Variants in SLC26A11 observed in about 807,000 individuals in gnomAD.
SLC26A11 encodes solute carrier family 26 member 11, also known as sodium-independent sulfate anion transporter.
Under a neutral mutation model 62.2 loss-of-function variants are expected in SLC26A11, and 58 were observed. The ratio of observed to expected loss-of-function variants is 0.93; its 90% CI spans 0.76 to 1.16. The LOEUF (loss-of-function observed/expected upper bound fraction) is 1.16. SLC26A11 is among the 50% of genes most tolerant of loss of function. The pLI is 0.00. For missense variants in SLC26A11, 790 were observed against 794.3 expected, an observed-to-expected ratio of 0.99 and a Z score of 0.06; for synonymous variants, 411 against 368.9, an observed-to-expected ratio of 1.11 and a Z score of -1.31.
At chr17:80,227,668 A>T in intron 6 of SLC26A11, 150 bp from the exon 7 acceptor site, 1 of 1,012,266 alleles carries the variant, frequency 9.9e-7, no homozygotes, top group Non-Finnish European at 1.4e-6. Context: ...TTTCCTTGTG[A>T]TACTCACTGT....
At position 80,224,320 on chromosome 17, in the gene SLC26A11, A is replaced by C. The variant is rs899049237; in HGVS notation, c.513+983A>C. On this transcript the variant is annotated intron_variant, in intron 5 of 17. Transcript: ENST00000361193. Reference sequence around the variant, plus strand: ...GTGCGTGTGTGTGTGAGAGAGTGTGAGTGTGTATGAGTGAGAGTGTGAGAG... The same window carrying C: ...GTGCGTGTGTGTGTGAGAGAGTGTGCGTGTGTATGAGTGAGAGTGTGAGAG... Among the ~76,000 whole-genome samples the C allele has an allele frequency of 4.7e-5, 6 of 126,362 alleles. No individual in the cohort carries two copies. In the South Asian group the frequency reaches 7.5e-4, roughly 16 times the overall value. 82.9% of individuals were successfully genotyped at this position (126,362 alleles called of 152,430 possible). A position where few individuals can be genotyped will look rare whatever the true frequency, so the allele number is the denominator to read the frequency against.
intron 7 of SLC26A11, 22 bp downstream of exon 7, chr17:80,227,982 T>A: frequency 1.3e-6 from 2 of 1,595,624 alleles, no homozygotes; most frequent in Non-Finnish European, 1.7e-6. Context: ...CTGGCTGACA[T>A]CTTATGCAAC....
rs528935829 is a variant in SLC26A11, at chr17:80,222,050, G to A, written c.234+256G>A. 2.8e-4 allele frequency: 131 copies of A among 461,176 alleles called. No individual in the cohort carries two copies. The highest frequency in any genetic ancestry group is 2.3e-3 in the African/African-American group (113 of 49,678). The allele number at this position is 461,176 out of a possible 1,614,324, so 28.6% of individuals were successfully genotyped here. A position where few individuals can be genotyped will look rare whatever the true frequency, so the allele number is the denominator to read the frequency against. ...GGCCTCAGGAGTTCAAGACCAGCCCGACCAAAATGGTGAAACCCCGTCTCC... is the reference window on the plus strand; with the variant it reads ...GGCCTCAGGAGTTCAAGACCAGCCCAACCAAAATGGTGAAACCCCGTCTCC... On this transcript the variant is annotated intron_variant, in intron 3 of 17. Transcript: ENST00000361193. This position sits in a 1 kb window ranked among gnomAD's most constrained non-coding sequence, Gnocchi z 4.7.
At chr17:80,224,235 G>A (rs2042310917) in intron 5 of SLC26A11, among the ~76,000 whole-genome samples, 1 of 151,802 alleles carries the variant, frequency 6.6e-6, no homozygotes, top group African/African-American at 2.4e-5. Flanking sequence ...GAGAGTGTGA[G>A]TGGGTTTGAG....
intron 7 of SLC26A11, among the ~76,000 whole-genome samples, chr17:80,231,443 C>T (rs182812622): frequency 6.6e-5 from 10 of 152,124 alleles, no homozygotes; most frequent in African/African-American, 1.2e-4. Context: ...GGATTACAGG[C>T]GTGAGCCACT....
chr17:80,224,450 A>C (rs759453258), intron 5 of SLC26A11, among the ~76,000 whole-genome samples: 18,274 of 122,110 alleles, frequency 0.15, 1,368 homozygotes, highest in African/African-American at 0.28. Flanking sequence ...TGAGAGTGTG[A>C]GTGTGAGAGT....
Position 80,248,685 on chromosome 17 carries a change from G to A in SLC26A11, c.1522+11G>A, listed in dbSNP as rs764358788. On this transcript the variant is annotated intron_variant, in intron 15 of 17. Coordinates refer to ENST00000361193, the MANE Select transcript of SLC26A11 (RefSeq NM_001166347.2). ...GCCGGGCCCTGGAAGGTGCATGGGC[G>A]GGGGTCAAGGTGGTCTGAGGTCACT... 10 of 1,558,628 alleles carry A rather than the reference G, an allele frequency of 6.4e-6. No individual in the cohort carries two copies. The highest frequency in any genetic ancestry group is 1.9e-5 in the Admixed American group (1 of 52,128).
chr17:80,226,332 C>T (rs528862349), intron 6 of SLC26A11, among the ~76,000 whole-genome samples: 1 of 152,226 alleles, frequency 6.6e-6, no homozygotes, highest in East Asian at 1.9e-4. Flanking sequence ...AGACAGAACG[C>T]AGGTGGTGCA....
At position 80,241,791 on chromosome 17, in the gene SLC26A11, A is replaced by G. The variant is rs1349009609; in HGVS notation, c.1006A>G (p.Ile336Val). The change falls in exon 10 of 18, where the codon ATC becomes GTC. Residue 336 changes from isoleucine (I) to valine (V), a missense_variant. Physicochemically the swap from Ile to Val is conservative, Grantham distance 29 (BLOSUM62 3). Coordinates refer to ENST00000361193, the MANE Select transcript of SLC26A11 (RefSeq NM_001166347.2). ...TTTAGCATCTCAGAATAATTACCGC[A>G]TCGATGCCAACCAGGAGCTGCTGGC... ...KAFASQNNYR[I>V]DANQELLAIG... 1.2e-6 allele frequency: 2 copies of G among 1,614,186 alleles called. No individual in the cohort carries two copies. Among genetic ancestry groups the G allele is most frequent in the South Asian group, 2.2e-5 (2 of 91,086 alleles).
intron 8 of SLC26A11, 36 bp downstream of exon 8, chr17:80,237,139 G>C: frequency 6.3e-7 from 1 of 1,594,568 alleles, no homozygotes; most frequent in Non-Finnish European, 8.6e-7. Flanking sequence ...GCGTGGCTGA[G>C]GCTGCGGTGG....
At chr17:80,225,992 T>G in intron 6 of SLC26A11, 76 bp downstream of exon 6, 5 of 1,366,270 alleles carry the variant, frequency 3.7e-6, no homozygotes, top group Middle Eastern at 1.8e-4. Context: ...CCCACCTCAG[T>G]TTCCCCACCC....
chr17:80,245,128 C>T (rs1450466559), intron 10 of SLC26A11, 68 bp from the exon 11 acceptor site: 1 of 1,479,926 alleles, frequency 6.8e-7, no homozygotes, highest in African/African-American at 1.4e-5. Context: ...TTGTCCCCCT[C>T]CCCATCTCCT....
At position 80,248,350 on chromosome 17, in the gene SLC26A11, G is replaced by T. The variant is rs773645518; in HGVS notation, c.1422+93G>T. ...TTGAGGGTCCGGGGTGATTGTGGTC[G>T]TGGGTGCTGCTGAAGGGGACCGCTC... On this transcript the variant is annotated intron_variant, in intron 14 of 17. Coordinates refer to ENST00000361193, the MANE Select transcript of SLC26A11 (RefSeq NM_001166347.2). 3.1e-5 allele frequency: 46 copies of T among 1,482,586 alleles called. No homozygotes were observed. In the South Asian group the frequency reaches 5.3e-4, roughly 17 times the overall value. The allele number at this position is 1,482,586 out of a possible 1,614,324, so 91.8% of individuals were successfully genotyped here. A position where few individuals can be genotyped will look rare whatever the true frequency, so the allele number is the denominator to read the frequency against.
chr17:80,224,296 T>G (rs28621597), intron 5 of SLC26A11, among the ~76,000 whole-genome samples: 1 of 122,302 alleles, frequency 8.2e-6, no homozygotes, highest in Non-Finnish European at 1.7e-5. Flanking sequence ...TGAGTGAGTG[T>G]GCGTGTGTGT....
Position 80,246,068 on chromosome 17 carries a change from C to T in SLC26A11, c.1098-86C>T, listed in dbSNP as rs1598837926. On this transcript the variant is annotated intron_variant, in intron 11 of 17. Transcript: ENST00000361193. The surrounding 1 kb of genome is among the most constrained non-coding windows in gnomAD (Gnocchi z 4.4). ...CAAGCCGTGCTGGGAGCTGACGTCC[C>T]CTCGGAAGATCAGCCACAGGAGTGT... 4.0e-6 allele frequency: 6 copies of T among 1,516,220 alleles called. No homozygotes were observed. The highest frequency in any genetic ancestry group is 2.3e-5 in the East Asian group (1 of 44,432). 93.9% of individuals were successfully genotyped at this position (1,516,220 alleles called of 1,614,324 possible). A position where few individuals can be genotyped will look rare whatever the true frequency, so the allele number is the denominator to read the frequency against.
chr17:80,250,314 C>T (rs55834121), intron 16 of SLC26A11, among the ~76,000 whole-genome samples: 8,092 of 152,252 alleles, frequency 0.053, 505 homozygotes, highest in African/African-American at 0.15. Context: ...GTCAGAGTTT[C>T]CTTCATTCCC....
At position 80,243,467 on chromosome 17, in the gene SLC26A11, G is replaced by A. The variant is rs138690356; in HGVS notation, c.1036+1646G>A. On this transcript the variant is annotated intron_variant, in intron 10 of 17. Coordinates refer to ENST00000361193, the MANE Select transcript of SLC26A11 (RefSeq NM_001166347.2). ...GGCTGGAGTGCAGTGGCACGGTCTCGGCTTTCTGCAACCTCCGTCTCCTGG... is the reference window on the plus strand; with the variant it reads ...GGCTGGAGTGCAGTGGCACGGTCTCAGCTTTCTGCAACCTCCGTCTCCTGG... Among the ~76,000 whole-genome samples, 150 of 152,132 alleles carry A rather than the reference G, an allele frequency of 9.9e-4. 4 individuals are homozygous for A. The East Asian group carries it at 0.025, about 26-fold the overall frequency.
Position 80,223,181 on chromosome 17 carries a change from T to C in SLC26A11, c.428-71T>C. On this transcript the variant is annotated intron_variant, in intron 4 of 17. Transcript: ENST00000361193. This position sits in a 1 kb window ranked among gnomAD's most constrained non-coding sequence, Gnocchi z 4.6. ...CCCACCCATTGCCACCTTCCCCAGC[T>C]CACATCTCCCCTCATCCTCTGGGAC... 2 of 1,426,750 alleles carry C rather than the reference T, an allele frequency of 1.4e-6. No homozygotes were observed. The highest frequency in any genetic ancestry group is 2.0e-6 in the Non-Finnish European group (2 of 1,015,304). 88.4% of individuals were successfully genotyped at this position (1,426,750 alleles called of 1,614,324 possible).
In SLC26A11 at chr17:80,246,216, C is replaced by G; in HGVS notation, c.1153+7C>G. On this transcript the variant is annotated splice_region_variant and intron_variant, in intron 12 of 17. Coordinates refer to ENST00000361193, the MANE Select transcript of SLC26A11 (RefSeq NM_001166347.2). This position sits in a 1 kb window ranked among gnomAD's most constrained non-coding sequence, Gnocchi z 4.4. Reference sequence around the variant, plus strand: ...GCGGGGGGCCTGGTGACGGGTAAGGCCCCCCATCTTCCCCTTGTGCCCGCA... The same window carrying G: ...GCGGGGGGCCTGGTGACGGGTAAGGGCCCCCATCTTCCCCTTGTGCCCGCA... 6.2e-7 allele frequency: 1 copy of G among 1,608,220 alleles called. No individual in the cohort carries two copies.
Sources: gnomAD v4.1 joint callset for allele counts (sites outside exome capture counted in the v4.1 genomes callset) on GRCh38, gnomAD v4.1.1 for gene constraint, Gnocchi (gnomAD v3.1) non-coding constraint, MANE v1.5 for transcripts, NCBI Gene and HGNC (gene_info 2026-07-23, HGNC 2026-07-21) for gene names.